The following SEMA3C variants were observed in gnomAD, a reference collection of about 807,000 sequenced individuals.
SEMA3C encodes the protein semaphorin-3C.
A neutral mutation model predicts 89.4 loss-of-function variants in SEMA3C; 47 were observed. That is an observed-to-expected ratio of 0.53 (90% CI 0.42 to 0.67). The LOEUF (loss-of-function observed/expected upper bound fraction) is 0.67, where lower values mean the gene tolerates loss of function less well. SEMA3C is among the 30% of genes least tolerant of loss of function. SEMA3C has a pLI of 0.00. For missense variants in SEMA3C, 839 were observed against 929.1 expected (o/e 0.90, Z 1.26); for synonymous variants, 310 against 320.2 (o/e 0.97, Z 0.34).
chr7:80,798,176 A>G lies in SEMA3C; in HGVS notation c.1047T>C (p.Phe349=). Residue 349 remains phenylalanine, a synonymous_variant, in exon 11 of 18, where the codon TTT becomes TTC. Coordinates refer to ENST00000265361, the MANE Select transcript of SEMA3C (RefSeq NM_006379.5). ...VYHLSDIQTV[F]NGPFAHKEGP... is the part of the protein sequence containing the mutation. Reference sequence around the variant, plus strand: ...CTTCTTTGTGGGCAAAAGGCCCATTAAACACAGTCTGTATATCAGATAAAT... The same window carrying G: ...CTTCTTTGTGGGCAAAAGGCCCATTGAACACAGTCTGTATATCAGATAAAT... 6.2e-7 allele frequency: 1 copy of G among 1,607,284 alleles called. No individual in the cohort carries two copies. The highest frequency in any genetic ancestry group is 8.5e-7 in the Non-Finnish European group (1 of 1,177,144).
intron 2 of SEMA3C, among the ~76,000 whole-genome samples, chr7:80,853,894 G>GTA (rs2115952119): frequency 7.9e-6 from 1 of 127,346 alleles, no homozygotes; most frequent in African/African-American, 3.0e-5. Context: ...CCATATATAT[G>GTA]TGTGTGTGTG....
chr7:80,789,205 T>C (rs781585859), intron 12 of SEMA3C, 101 bp downstream of exon 12: 112 of 889,516 alleles, frequency 1.3e-4, no homozygotes, highest in Non-Finnish European at 3.5e-5. Flanking sequence ...ACGTAATTAT[T>C]GGAGTTTTTC....
chr7:80,836,146 A>G (rs1051944374), intron 2 of SEMA3C, among the ~76,000 whole-genome samples: 4 of 152,152 alleles, frequency 2.6e-5, no homozygotes, highest in Admixed American at 2.0e-4. Flanking sequence ...ACAACTCGAG[A>G]ACTATCAACA....
At chr7:80,793,163 T>A (rs1344498544) in intron 11 of SEMA3C, among the ~76,000 whole-genome samples, 1 of 152,214 alleles carries the variant, frequency 6.6e-6, no homozygotes, top group East Asian at 1.9e-4. Context: ...TGATAAGCCC[T>A]CCTTTTTTGA....
chr7:80,854,191 A>T (rs1251121670), intron 2 of SEMA3C, among the ~76,000 whole-genome samples: 1 of 152,188 alleles, frequency 6.6e-6, no homozygotes, highest in African/African-American at 2.4e-5. Context: ...GGAAGACTCT[A>T]TGTACCCCAA....
chr7:80,855,935 G>A (rs1365153259), intron 2 of SEMA3C, among the ~76,000 whole-genome samples: 1 of 152,104 alleles, frequency 6.6e-6, no homozygotes, highest in Non-Finnish European at 1.5e-5. Context: ...GACTCGGCAA[G>A]GAGTTAGCAG....
chr7:80,852,708 T>C (rs915332897), intron 2 of SEMA3C, among the ~76,000 whole-genome samples: 24 of 148,814 alleles, frequency 1.6e-4, no homozygotes, highest in Non-Finnish European at 3.0e-4. Flanking sequence ...AGACAGAGTC[T>C]TACACTGTTG....
Position 80,815,554 on chromosome 7 carries a change from C to CAAAAAAAAAAAAAAAAA in SEMA3C, c.447+2728_447+2744dup, listed in dbSNP as rs761990267. On this transcript the variant is annotated intron_variant, in intron 5 of 17. Transcript: ENST00000265361. ...AAACCCAATCCTTTCTTTAAATGGGCAAAAAAAAAAAAAAAAAAAGTAAAT... is the reference window on the plus strand; with the variant it reads ...AAACCCAATCCTTTCTTTAAATGGGCAAAAAAAAAAAAAAAAAAAAAAAAAAAAAAAAAAAAGTAAAT... 1.7e-3 allele frequency among the ~76,000 whole-genome samples: 98 copies of CAAAAAAAAAAAAAAAAA among 58,790 alleles called. 5 individuals are homozygous for CAAAAAAAAAAAAAAAAA. Among genetic ancestry groups the CAAAAAAAAAAAAAAAAA allele is most frequent in the Middle Eastern group, 0.012 (1 of 86 alleles). 38.6% of individuals were successfully genotyped at this position (58,790 alleles called of 152,430 possible).
At chr7:80,842,274 T>C (rs930456706) in intron 2 of SEMA3C, among the ~76,000 whole-genome samples, 5 of 152,194 alleles carry the variant, frequency 3.3e-5, no homozygotes, top group African/African-American at 1.2e-4. Flanking sequence ...CTTTCCTTTG[T>C]GCTAGACTGC....
At chr7:80,851,879 T>C (rs1424582955) in intron 2 of SEMA3C, among the ~76,000 whole-genome samples, 3 of 152,188 alleles carry the variant, frequency 2.0e-5, no homozygotes, top group Non-Finnish European at 4.4e-5. Context: ...GAAGACAATG[T>C]TAATTTTAGT....
At position 80,751,279 on chromosome 7, in the gene SEMA3C, A is replaced by G; in HGVS notation, c.1701T>C (p.Phe567=). 3.1e-6 allele frequency: 5 copies of G among 1,613,872 alleles called. No individual in the cohort carries two copies. The highest frequency in any genetic ancestry group is 4.2e-6 in the Non-Finnish European group (5 of 1,179,800). The stretch of plus-strand genomic sequence containing the variant: ...GCTCACTTTTAATACCTTTTAGATT[A>G]AATCCTCTGCATTGAGTCAGTGGGT... The part of the protein sequence containing the change: ...HGNPLTQCRG[F]NLKAYRNAAE... The change falls in exon 16 of 18, where the codon TTT becomes TTC. Residue 567 remains phenylalanine (F), a synonymous_variant. Coordinates refer to ENST00000265361, the MANE Select transcript of SEMA3C (RefSeq NM_006379.5).
intron 11 of SEMA3C, among the ~76,000 whole-genome samples, chr7:80,792,913 G>C (rs1214368386): frequency 6.6e-6 from 1 of 152,086 alleles, no homozygotes; most frequent in Non-Finnish European, 1.5e-5. Context: ...ATACTGCCAA[G>C]AATAAATCAG....
chr7:80,756,461 G>C (rs1788069099), intron 15 of SEMA3C, among the ~76,000 whole-genome samples: 1 of 151,892 alleles, frequency 6.6e-6, no homozygotes, highest in Non-Finnish European at 1.5e-5. Context: ...CCTACCCCAG[G>C]GCTTCAATGC....
At chr7:80,806,320 G>A (rs1299561965) in intron 6 of SEMA3C, among the ~76,000 whole-genome samples, 1 of 151,952 alleles carries the variant, frequency 6.6e-6, no homozygotes, top group African/African-American at 2.4e-5. Context: ...CATCCTAAAT[G>A]GATTGAATAT....
At chr7:80,749,180 C>T in intron 16 of SEMA3C, 152 bp from the exon 17 acceptor site, 1 of 774,298 alleles carries the variant, frequency 1.3e-6, no homozygotes, top group South Asian at 2.4e-5. Context: ...AATCATTTAA[C>T]AAGCAAAATA....
intron 12 of SEMA3C, among the ~76,000 whole-genome samples, chr7:80,765,521 C>G (rs1024602271): frequency 6.6e-6 from 1 of 152,054 alleles, no homozygotes; most frequent in Non-Finnish European, 1.5e-5. Context: ...GTCAAAAGTT[C>G]GGAACCAAAT....
chr7:80,850,857 T>C (rs1332519841), intron 2 of SEMA3C, among the ~76,000 whole-genome samples: 2 of 152,232 alleles, frequency 1.3e-5, no homozygotes, highest in African/African-American at 2.4e-5. Flanking sequence ...TGTAACTAAT[T>C]ACTACAGGCG....
intron 4 of SEMA3C, among the ~76,000 whole-genome samples, chr7:80,822,934 A>C (rs537514912): frequency 1.3e-5 from 2 of 152,200 alleles, no homozygotes; most frequent in Non-Finnish European, 2.9e-5. Flanking sequence ...ATCCACAAAA[A>C]GTTTGGAGTA....
chr7:80,828,866 A>C, intron 2 of SEMA3C, 121 bp from the exon 3 acceptor site: 1 of 764,058 alleles, frequency 1.3e-6, no homozygotes, highest in Non-Finnish European at 2.0e-6. Flanking sequence ...TTCTACAGTA[A>C]GAAATTAATT....
Sources: allele counts gnomAD v4.1 joint callset (sites outside exome capture counted in the v4.1 genomes callset), GRCh38; gene constraint gnomAD v4.1.1; transcripts MANE v1.5; gene names NCBI Gene and HGNC (gene_info 2026-07-23, HGNC 2026-07-21).